Variants in ST6GAL1 observed in about 807,000 individuals in gnomAD.
ST6GAL1 encodes ST6 beta-galactoside alpha-2,6-sialyltransferase 1.
A neutral mutation model predicts 38.0 loss-of-function variants in ST6GAL1; 20 were observed. That is an observed-to-expected ratio of 0.53 (90% CI 0.37 to 0.77). The LOEUF is 0.77. Ranked by LOEUF, ST6GAL1 falls within the 30% of genes least tolerant of loss-of-function variation. ST6GAL1 has a pLI of 0.00. For synonymous variants in ST6GAL1, 196 were observed against 188.2 expected (o/e 1.04, Z -0.34); for missense variants, 432 against 496.4 (o/e 0.87, Z 1.23).
chr3:186,938,555 C>G (rs1378227168), intron 1 of ST6GAL1, among the ~76,000 whole-genome samples: 1 of 152,124 alleles, frequency 6.6e-6, no homozygotes, highest in African/African-American at 2.4e-5. Context: ...GATATTTTTT[C>G]TTACCATGAC....
chr3:187,066,503 G>T (rs1431915638), intron 5 of ST6GAL1, among the ~76,000 whole-genome samples: 1 of 152,006 alleles, frequency 6.6e-6, no homozygotes, highest in Non-Finnish European at 1.5e-5. Flanking sequence ...AGGAATTCTG[G>T]GGGCACACAA....
At chr3:186,982,587 G>T (rs1267253707) in intron 2 of ST6GAL1, among the ~76,000 whole-genome samples, 1 of 152,136 alleles carries the variant, frequency 6.6e-6, no homozygotes, top group East Asian at 1.9e-4. Flanking sequence ...TTGAGCTTGA[G>T]ACCAAAGGGA....
Position 187,042,715 on chromosome 3 carries a change from C to T in ST6GAL1, c.12C>T (p.Thr4=). MIH[T]NLKKKFSCCV... ...AACACATCTTCATTATGATTCACAC[C>T]AACCTGAAGAAAAAGTTCAGCTGCT... The change falls in exon 4 of 8, where the codon ACC becomes ACT. Residue 4 remains threonine, a synonymous_variant. Transcript: ENST00000169298. 6.2e-7 allele frequency: 1 copy of T among 1,609,856 alleles called. No homozygotes were observed. Among genetic ancestry groups the T allele is most frequent in the African/African-American group, 1.3e-5 (1 of 74,784 alleles).
intron 5 of ST6GAL1, chr3:187,072,576 C>T: frequency 2.5e-6 from 1 of 396,560 alleles, no homozygotes; most frequent in East Asian, 5.8e-5. Context: ...GCTATTTTCA[C>T]TGTACCCTTG....
At chr3:187,029,712 T>A (rs770905814) in intron 2 of ST6GAL1, among the ~76,000 whole-genome samples, 34 of 152,126 alleles carry the variant, frequency 2.2e-4, no homozygotes, top group Non-Finnish European at 4.3e-4. Flanking sequence ...CAGTTGCATG[T>A]TTGCTGGTGT....
chr3:187,057,742 C>G (rs778227532), intron 5 of ST6GAL1, among the ~76,000 whole-genome samples: 4 of 152,200 alleles, frequency 2.6e-5, no homozygotes, highest in African/African-American at 7.2e-5. Context: ...TTAGGCTACA[C>G]GGGGCTCAGG....
intron 5 of ST6GAL1, among the ~76,000 whole-genome samples, chr3:187,070,314 A>G (rs1719316964): frequency 6.6e-6 from 1 of 151,684 alleles, no homozygotes. Flanking sequence ...TCTCTGCCAC[A>G]CACTCACACA....
rs545358754 is a variant in ST6GAL1 at position 186,952,536 on chromosome 3, ACTCT to A, written c.-324-11246_-324-11243del. Among the ~76,000 whole-genome samples, 1 of 150,518 alleles carries A rather than the reference ACTCT, an allele frequency of 6.6e-6. No individual in the cohort carries two copies. Among genetic ancestry groups the A allele is most frequent in the South Asian group, 2.1e-4 (1 of 4,734 alleles). ...TTTATTTTTATTGAGATGGAGTCTC[ACTCT>A]CTTACCCAGGCTGGAGTGCAGTGGC... is the stretch of plus-strand genomic sequence containing the variant. On this transcript the variant is annotated intron_variant, in intron 1 of 7. Coordinates refer to ENST00000169298, the MANE Select transcript of ST6GAL1 (RefSeq NM_173216.2). This position sits in a 1 kb window ranked among gnomAD's most constrained non-coding sequence, Gnocchi z 4.1.
chr3:186,975,631 T>C (rs879847991), intron 2 of ST6GAL1, among the ~76,000 whole-genome samples: 3 of 152,176 alleles, frequency 2.0e-5, no homozygotes, highest in Non-Finnish European at 4.4e-5. Context: ...TCCCATCCAC[T>C]TCTTCCCTCT....
intron 2 of ST6GAL1, among the ~76,000 whole-genome samples, chr3:186,970,157 G>A (rs1342872973): frequency 6.6e-6 from 1 of 151,552 alleles, no homozygotes; most frequent in Non-Finnish European, 1.5e-5. Context: ...TTGTGTGTAG[G>A]TTAGTATAGG....
intron 2 of ST6GAL1, among the ~76,000 whole-genome samples, chr3:187,030,594 C>T (rs1254541670): frequency 6.6e-6 from 1 of 152,190 alleles, no homozygotes; most frequent in Non-Finnish European, 1.5e-5. Context: ...CCACCACACC[C>T]AGCTAATTTT....
chr3:187,024,472 G>A (rs1717448818), intron 2 of ST6GAL1, among the ~76,000 whole-genome samples: 1 of 55,706 alleles, frequency 1.8e-5, no homozygotes, highest in African/African-American at 7.6e-5. Flanking sequence ...ACATATATAT[G>A]TGTATATATA....
intron 4 of ST6GAL1, among the ~76,000 whole-genome samples, chr3:187,048,188 C>T (rs1718372651): frequency 6.6e-6 from 1 of 152,168 alleles, no homozygotes; most frequent in African/African-American, 2.4e-5. Context: ...CGTGATCTGC[C>T]CACCTTGGCC....
chr3:187,017,472 G>C (rs1439075352), intron 2 of ST6GAL1, among the ~76,000 whole-genome samples: 3 of 142,318 alleles, frequency 2.1e-5, no homozygotes, highest in African/African-American at 7.5e-5. Context: ...TCATGGCTGT[G>C]AGATTAGGGG....
chr3:187,032,700 G>C (rs1717795455), intron 2 of ST6GAL1, among the ~76,000 whole-genome samples: 1 of 152,188 alleles, frequency 6.6e-6, no homozygotes, highest in Admixed American at 6.5e-5. Context: ...AAATGTCAGA[G>C]GGATAACTAT....
chr3:187,012,290 C>T (rs1042845828), intron 2 of ST6GAL1, among the ~76,000 whole-genome samples: 6 of 151,594 alleles, frequency 4.0e-5, no homozygotes, highest in African/African-American at 1.5e-4. Flanking sequence ...CAGGGTCCTG[C>T]TCTGTCTCCC....
intron 2 of ST6GAL1, among the ~76,000 whole-genome samples, chr3:187,004,921 T>C (rs1201133018): frequency 1.3e-5 from 2 of 152,226 alleles, no homozygotes; most frequent in Non-Finnish European, 2.9e-5. Flanking sequence ...CTTCTTCCTT[T>C]CATTACTCAG....
chr3:186,939,828 A>C (rs932684890), intron 1 of ST6GAL1, among the ~76,000 whole-genome samples: 2 of 151,974 alleles, frequency 1.3e-5, no homozygotes, highest in Non-Finnish European at 2.9e-5. Flanking sequence ...CCCCTCTGTT[A>C]GTTAGCCCCT....
intron 2 of ST6GAL1, among the ~76,000 whole-genome samples, chr3:186,970,186 A>G (rs1715298667): frequency 6.6e-6 from 1 of 151,470 alleles, no homozygotes; most frequent in African/African-American, 2.4e-5. Context: ...GAATCAAGAT[A>G]GAGAACTATT....
Sources: gnomAD v4.1 joint callset for allele counts (sites outside exome capture counted in the v4.1 genomes callset) on GRCh38, gnomAD v4.1.1 for gene constraint, Gnocchi (gnomAD v3.1) non-coding constraint, MANE v1.5 for transcripts, NCBI Gene and HGNC (gene_info 2026-07-23, HGNC 2026-07-21) for gene names.